MCPH1: variants seen among roughly 807,000 people sequenced by gnomAD.
The protein encoded by MCPH1 is microcephalin.
A neutral mutation model predicts 84.5 loss-of-function variants in MCPH1; 104 were observed. That is an observed-to-expected ratio of 1.23 (90% CI 1.05 to 1.45). The LOEUF is 1.45. Among genes scored for constraint, MCPH1 ranks in the 40% most tolerant of loss-of-function variants. The probability of loss-of-function intolerance (pLI) is 0.00; values close to 1 mark genes in which losing one functional copy is unlikely to be tolerated. For synonymous variants in MCPH1, 514 were observed against 366.8 expected, an observed-to-expected ratio of 1.40 and a Z score of -4.58; for missense variants, 1,498 against 1,005.7, an observed-to-expected ratio of 1.49 and a Z score of -6.62.
chr8:6,448,242 G>T (rs566807815), intron 8 of MCPH1, among the ~76,000 whole-genome samples: 1 of 152,366 alleles, frequency 6.6e-6, no homozygotes, highest in Non-Finnish European at 1.5e-5. Flanking sequence ...CCGATCACAG[G>T]CCTGGGGAGG....
At chr8:6,455,858 C>G (rs1030304341) in intron 9 of MCPH1, among the ~76,000 whole-genome samples, 1 of 151,836 alleles carries the variant, frequency 6.6e-6, no homozygotes, top group African/African-American at 2.4e-5. Context: ...TTTTATGAGG[C>G]CAAAAAAGTA....
intron 11 of MCPH1, among the ~76,000 whole-genome samples, chr8:6,496,283 A>G (rs1344284542): frequency 5.3e-5 from 8 of 152,118 alleles, no homozygotes; most frequent in Non-Finnish European, 1.0e-4. Flanking sequence ...TCGCAATTCT[A>G]TGAGAATGTA....
At chr8:6,430,480 C>T (rs1801685070) in intron 3 of MCPH1, among the ~76,000 whole-genome samples, 1 of 152,220 alleles carries the variant, frequency 6.6e-6, no homozygotes, top group African/African-American at 2.4e-5. Flanking sequence ...GGATGACATT[C>T]ACTACCCTAG....
intron 12 of MCPH1, chr8:6,563,210 C>A: frequency 3.5e-6 from 1 of 285,914 alleles, no homozygotes; most frequent in Non-Finnish European, 6.8e-6. Context: ...TTTCACGGTC[C>A]TTTGTTCCTC....
intron 9 of MCPH1, among the ~76,000 whole-genome samples, chr8:6,470,888 A>G (rs1016410626): frequency 6.6e-6 from 1 of 152,272 alleles, no homozygotes; most frequent in Non-Finnish European, 1.5e-5. Flanking sequence ...TAAGATGTAC[A>G]TAAACTAAGG....
intron 12 of MCPH1, among the ~76,000 whole-genome samples, chr8:6,570,893 A>T (rs754372655): frequency 6.6e-6 from 1 of 151,464 alleles, no homozygotes; most frequent in Non-Finnish European, 1.5e-5. Context: ...AACATCTGCT[A>T]AAGAATTTCA....
At position 6,645,018 on chromosome 8, in the gene MCPH1, A is replaced by G. The variant is rs1019210330; in HGVS notation, c.*1969A>G. The G allele has an allele frequency of 6.6e-6, 1 of 152,236 alleles. No individual in the cohort carries two copies. Among genetic ancestry groups the G allele is most frequent in the Non-Finnish European group, 1.5e-5 (1 of 68,042 alleles). 9.4% of individuals were successfully genotyped at this position (152,236 alleles called of 1,614,324 possible). A position where few individuals can be genotyped will look rare whatever the true frequency, so the allele number is the denominator to read the frequency against. The stretch of plus-strand genomic sequence containing the variant: ...TCATTCCTGAGTTCACTCGCTTCAC[A>G]TTACATATGTTTCTCTATAACCACA... On this transcript the variant is annotated 3_prime_UTR_variant, in exon 14 of 14. Coordinates refer to ENST00000344683, the MANE Select transcript of MCPH1 (RefSeq NM_024596.5).
At chr8:6,446,594 T>G (rs1473485914) in intron 8 of MCPH1, 5 of 980,078 alleles carry the variant, frequency 5.1e-6, no homozygotes. Context: ...CCTTAGTATG[T>G]GTTTTCAAAA....
At chr8:6,492,196 G>A (rs1258108645) in intron 11 of MCPH1, among the ~76,000 whole-genome samples, 1 of 152,208 alleles carries the variant, frequency 6.6e-6, no homozygotes, top group African/African-American at 2.4e-5. Context: ...GTATCTCATT[G>A]TGGTTTTAAT....
At position 6,643,113 on chromosome 8, in the gene MCPH1, T is replaced by G; in HGVS notation, c.*64T>G. The G allele has an allele frequency of 1.4e-6, 2 of 1,390,046 alleles. No homozygotes were observed. Among genetic ancestry groups the G allele is most frequent in the Non-Finnish European group, 2.0e-6 (2 of 978,312 alleles). The allele number at this position is 1,390,046 out of a possible 1,614,324, so 86.1% of individuals were successfully genotyped here. A position where few individuals can be genotyped will look rare whatever the true frequency, so the allele number is the denominator to read the frequency against. On this transcript the variant is annotated 3_prime_UTR_variant, in exon 14 of 14. Coordinates refer to ENST00000344683, the MANE Select transcript of MCPH1 (RefSeq NM_024596.5). ...GCAAAACTGTCTTTGGATGTTCAAA[T>G]GAGAAACAAAACTGTGAAGAGAAGG...
At chr8:6,451,614 T>C (rs1805092768) in intron 8 of MCPH1, among the ~76,000 whole-genome samples, 1 of 152,240 alleles carries the variant, frequency 6.6e-6, no homozygotes, top group South Asian at 2.1e-4. Context: ...TTTTAATAGA[T>C]GAATATGAAT....
At chr8:6,407,738 A>G (rs1171608517) in intron 1 of MCPH1, among the ~76,000 whole-genome samples, 2 of 152,170 alleles carry the variant, frequency 1.3e-5, no homozygotes, top group East Asian at 1.9e-4. Context: ...CACCTGGAAA[A>G]TGCTTTTAAA....
chr8:6,488,167 C>G (rs1301848913), intron 11 of MCPH1, among the ~76,000 whole-genome samples: 3 of 152,234 alleles, frequency 2.0e-5, no homozygotes, highest in African/African-American at 4.8e-5. Flanking sequence ...AGCGTGGCCT[C>G]TGGCCGCTGG....
At chr8:6,513,993 A>G in intron 12 of MCPH1, 1 of 753,160 alleles carries the variant, frequency 1.3e-6, no homozygotes, top group Non-Finnish European at 2.1e-6. Flanking sequence ...TTCCCAAAGG[A>G]AAATGGATTT....
intron 1 of MCPH1, among the ~76,000 whole-genome samples, 171 bp downstream of exon 1, chr8:6,406,860 A>G (rs1022636359): frequency 2.4e-4 from 1 of 4,176 alleles, no homozygotes. Context: ...CTGTCCCACC[A>G]AAACCCCCTG....
At chr8:6,443,537 A>G (rs1803820938) in intron 7 of MCPH1, among the ~76,000 whole-genome samples, 1 of 152,236 alleles carries the variant, frequency 6.6e-6, no homozygotes, top group South Asian at 2.1e-4. Context: ...CAGGCCCTCC[A>G]CCAGCAAGTG....
At chr8:6,416,131 T>G (rs772143080) in intron 3 of MCPH1, among the ~76,000 whole-genome samples, 2 of 152,262 alleles carry the variant, frequency 1.3e-5, no homozygotes, top group African/African-American at 2.4e-5. Flanking sequence ...TGTTGTATGT[T>G]GATCTTATAC....
chr8:6,604,361 C>A (rs1480471025), intron 12 of MCPH1, among the ~76,000 whole-genome samples: 2 of 152,238 alleles, frequency 1.3e-5, no homozygotes, highest in Non-Finnish European at 2.9e-5. Context: ...TGATTCAGAT[C>A]AGATCTCTGT....
At chr8:6,448,238 A>T (rs1804669963) in intron 8 of MCPH1, among the ~76,000 whole-genome samples, 1 of 152,252 alleles carries the variant, frequency 6.6e-6, no homozygotes, top group South Asian at 2.1e-4. Context: ...ACATCCGATC[A>T]CAGGCCTGGG....
Sources: gnomAD v4.1 joint callset for allele counts (sites outside exome capture counted in the v4.1 genomes callset) on GRCh38, gnomAD v4.1.1 for gene constraint, MANE v1.5 for transcripts, NCBI Gene and HGNC (gene_info 2026-07-23, HGNC 2026-07-21) for gene names.